The following ANO1 variants were observed in gnomAD, a reference collection of about 807,000 sequenced individuals.
The protein encoded by ANO1 is anoctamin-1.
Under a neutral mutation model 124.0 loss-of-function variants are expected in ANO1, and 59 were observed. The ratio of observed to expected loss-of-function variants is 0.48; its 90% CI spans 0.39 to 0.59. ANO1 has a LOEUF of 0.59. Among genes scored for constraint, ANO1 ranks in the 20% least tolerant of loss-of-function variants. The pLI is 0.00. For missense variants in ANO1, 1,059 were observed against 1,328.0 expected (o/e 0.80, Z 3.15); for synonymous variants, 529 against 532.0 (o/e 0.99, Z 0.08).
In ANO1 at chr11:70,128,129, T is replaced by A. The variant is rs191937219; in HGVS notation, c.1097+1934T>A. ...TGGTCAATTTTTGTTTAAGTGATGT[T>A]TTGATACATGAATAACACCTAAAAT... On this transcript the variant is annotated intron_variant, in intron 10 of 25. Transcript: ENST00000355303. Among the ~76,000 whole-genome samples, 176 of 152,350 alleles carry A rather than the reference T, an allele frequency of 1.2e-3. 1 individual carries two copies. Among genetic ancestry groups the A allele is most frequent in the African/African-American group, 4.1e-3 (169 of 41,582 alleles).
intron 1 of ANO1, among the ~76,000 whole-genome samples, chr11:70,081,663 A>G (rs2044204937): frequency 6.6e-6 from 1 of 152,242 alleles, no homozygotes; most frequent in African/African-American, 2.4e-5. Flanking sequence ...TACCAACTCC[A>G]GAGACCAGCG....
At chr11:70,182,430 T>G in intron 23 of ANO1, 72 bp from the exon 24 acceptor site, 1 of 1,312,260 alleles carries the variant, frequency 7.6e-7, no homozygotes. Context: ...TGTGGATGGG[T>G]CACCCCCTGT....
At chr11:70,021,403 T>C (rs542658988) in intron 1 of ANO1, among the ~76,000 whole-genome samples, 1 of 152,180 alleles carries the variant, frequency 6.6e-6, no homozygotes, top group Admixed American at 6.5e-5. Flanking sequence ...CTCCCACCCC[T>C]TCTTTTTCTT....
intron 22 of ANO1, among the ~76,000 whole-genome samples, chr11:70,175,007 C>T (rs2048635024): frequency 6.6e-6 from 1 of 152,172 alleles, no homozygotes; most frequent in African/African-American, 2.4e-5. Flanking sequence ...GACAGTACCC[C>T]ACCCCCGCCC....
chr11:70,095,350 G>GAA (rs770046555), intron 2 of ANO1, among the ~76,000 whole-genome samples: 4,517 of 15,282 alleles, frequency 0.3, 626 homozygotes, highest in Admixed American at 0.46. Flanking sequence ...GAAAGAAAAA[G>GAA]AAAGAAAGAA....
intron 10 of ANO1, among the ~76,000 whole-genome samples, chr11:70,127,499 C>G (rs73527902): frequency 1.3e-5 from 2 of 152,178 alleles, no homozygotes; most frequent in African/African-American, 4.8e-5. Flanking sequence ...AGCCTCGCCT[C>G]GCTCAGGGGC....
upstream of ANO1, among the ~76,000 whole-genome samples, chr11:69,981,504 T>A (rs1424699445): frequency 2.0e-5 from 3 of 152,244 alleles, no homozygotes; most frequent in East Asian, 5.8e-4. Flanking sequence ...TCTTGCCTCT[T>A]CTGTCCAAGG....
intron 1 of ANO1, among the ~76,000 whole-genome samples, chr11:70,069,951 A>G (rs1857829649): frequency 6.6e-6 from 1 of 152,188 alleles, no homozygotes; most frequent in South Asian, 2.1e-4. Flanking sequence ...GCATGCATGT[A>G]CTTACTAACC....
At chr11:70,038,759 A>G (rs1275735286) in intron 1 of ANO1, among the ~76,000 whole-genome samples, 3 of 152,184 alleles carry the variant, frequency 2.0e-5, no homozygotes, top group African/African-American at 4.8e-5. Flanking sequence ...GCAGGACCAG[A>G]AGACCTCGTG....
chr11:70,152,242 G>C (rs560581056), intron 12 of ANO1, among the ~76,000 whole-genome samples: 1 of 151,108 alleles, frequency 6.6e-6, no homozygotes, highest in East Asian at 2.0e-4. Context: ...GGCTGAGGCA[G>C]GAGAATCACT....
At chr11:70,039,274 G>A (rs1282242548) in intron 1 of ANO1, among the ~76,000 whole-genome samples, 2 of 152,142 alleles carry the variant, frequency 1.3e-5, no homozygotes, top group Admixed American at 6.5e-5. Context: ...ATAAGAAAAA[G>A]CAACTAATGA....
At chr11:70,019,236 A>ACCC (rs1491098279) in intron 1 of ANO1, among the ~76,000 whole-genome samples, 3 of 23,996 alleles carry the variant, frequency 1.3e-4, no homozygotes, top group African/African-American at 2.4e-4. Flanking sequence ...GGGAAAGAAG[A>ACCC]ACCCCCCCAC....
rs926644713 is a variant in ANO1, at chr11:70,189,064, C to T, written c.*1060C>T. ...GGTAACACTTCTCTATATTTTTACT[C>T]ACAGGAATGTCACTGTTGGACAATT... On this transcript the variant is annotated 3_prime_UTR_variant, in exon 26 of 26. Transcript: ENST00000355303. The T allele has an allele frequency of 3.9e-5, 6 of 152,462 alleles. No homozygotes were observed. The highest frequency in any genetic ancestry group is 7.4e-5 in the Non-Finnish European group (5 of 68,018). The allele number at this position is 152,462 out of a possible 1,614,324, so 9.4% of individuals were successfully genotyped here. A position where few individuals can be genotyped will look rare whatever the true frequency, so the allele number is the denominator to read the frequency against.
intron 1 of ANO1, among the ~76,000 whole-genome samples, chr11:70,009,826 G>T (rs1381773078): frequency 6.6e-6 from 1 of 152,040 alleles, no homozygotes; most frequent in Admixed American, 6.5e-5. Context: ...TTGGTTACAT[G>T]GATATGTTCT....
At chr11:70,035,199 CA>C (rs1476762697) in intron 1 of ANO1, among the ~76,000 whole-genome samples, 1 of 152,154 alleles carries the variant, frequency 6.6e-6, no homozygotes, top group Non-Finnish European at 1.5e-5. Context: ...AGCTGCCTGG[CA>C]GCGGGACCAG....
chr11:70,098,358 G>A (rs2045103954), intron 2 of ANO1, among the ~76,000 whole-genome samples: 1 of 152,200 alleles, frequency 6.6e-6, no homozygotes, highest in Non-Finnish European at 1.5e-5. Context: ...CTGGACTGCT[G>A]TGCACAGCAC....
At chr11:70,006,876 G>A (rs532682705) in intron 1 of ANO1, among the ~76,000 whole-genome samples, 1 of 151,828 alleles carries the variant, frequency 6.6e-6, no homozygotes, top group East Asian at 1.9e-4. Context: ...CGCCACGTTG[G>A]CCAGGCTGGT....
the ANO1 span, among the ~76,000 whole-genome samples, chr11:69,968,565 G>A: frequency 6.6e-6 from 1 of 152,352 alleles, no homozygotes; most frequent in African/African-American, 2.4e-5. Flanking sequence ...TGCTGCCAAA[G>A]TTCTGTGATC....
At chr11:70,102,897 G>C (rs2045332977) in intron 2 of ANO1, among the ~76,000 whole-genome samples, 169 bp from the exon 3 acceptor site, 1 of 152,206 alleles carries the variant, frequency 6.6e-6, no homozygotes, top group South Asian at 2.1e-4. Context: ...TTCTGCTAAA[G>C]GGAATTCTAG....
Sources: gnomAD v4.1 joint callset for allele counts (sites outside exome capture counted in the v4.1 genomes callset) on GRCh38, gnomAD v4.1.1 for gene constraint, MANE v1.5 for transcripts, NCBI Gene and HGNC (gene_info 2026-07-23, HGNC 2026-07-21) for gene names.